C12orf42: variants seen among roughly 807,000 people sequenced by gnomAD.
C12orf42 encodes the protein uncharacterized protein C12orf42.
C12orf42 carries 25 observed loss-of-function variants against 21.6 expected under a neutral mutation model. The ratio of observed to expected loss-of-function variants is 1.16; its 90% CI spans 0.84 to 1.62. The LOEUF is 1.62. Ranked by LOEUF, C12orf42 falls within the 40% of genes most tolerant of loss-of-function variation. The pLI is 0.00. For missense variants in C12orf42, 483 were observed against 459.3 expected, an observed-to-expected ratio of 1.05 and a Z score of -0.47; for synonymous variants, 174 against 175.0, an observed-to-expected ratio of 0.99 and a Z score of 0.05.
intron 4 of C12orf42, among the ~76,000 whole-genome samples, chr12:103,289,202 C>T (rs1235113372): frequency 6.6e-6 from 1 of 152,090 alleles, no homozygotes; most frequent in Non-Finnish European, 1.5e-5. Context: ...AAAATTCTCC[C>T]ACATTTATAC....
At chr12:103,268,684 T>C (rs866475802) in exon 7 of C12orf42, 3 of 152,062 alleles carry the variant, frequency 2.0e-5, no homozygotes, top group East Asian at 3.9e-4. Flanking sequence ...ACTTATGAAA[T>C]TGATTGACTC....
At chr12:103,085,038 G>A in the C12orf42 span, among the ~76,000 whole-genome samples, 2 of 152,170 alleles carry the variant, frequency 1.3e-5, no homozygotes, top group South Asian at 4.2e-4. Context: ...TTGGTGGAGA[G>A]GGAAATGAAT....
chr12:103,452,882 G>A (rs935509126), intron 2 of C12orf42, among the ~76,000 whole-genome samples: 5 of 151,984 alleles, frequency 3.3e-5, no homozygotes, highest in South Asian at 4.2e-4. Flanking sequence ...GTCATGGGGT[G>A]GGGGGAGCGG....
downstream of C12orf42, among the ~76,000 whole-genome samples, chr12:103,235,749 G>C (rs1184213885): frequency 6.6e-6 from 1 of 152,140 alleles, no homozygotes; most frequent in African/African-American, 2.4e-5. Flanking sequence ...TCACATGGTA[G>C]TGTTTAACCA....
the C12orf42 span, among the ~76,000 whole-genome samples, chr12:103,196,555 T>C: frequency 2.6e-5 from 4 of 152,252 alleles, no homozygotes; most frequent in South Asian, 2.1e-4. Context: ...GCCACTCTTA[T>C]ATCGCTTTGT....
At chr12:103,315,124 A>G (rs956891776) in intron 4 of C12orf42, among the ~76,000 whole-genome samples, 13 of 152,136 alleles carry the variant, frequency 8.5e-5, no homozygotes, top group African/African-American at 3.1e-4. Context: ...ACCTCATACT[A>G]AAGATTTGTT....
In C12orf42 at chr12:103,286,144, C is replaced by G. The variant is rs12305112; in HGVS notation, n.338-8934G>C. On this transcript the variant is annotated intron_variant and non_coding_transcript_variant, in intron 4 of 6. Transcript: ENST00000546526. The stretch of plus-strand genomic sequence containing the variant: ...CAGGCGCCTGTAGTCCCAGCTACTC[C>G]GGAGGCTGAGGCAGGAGAATGGCAT... 5.0e-3 allele frequency among the ~76,000 whole-genome samples: 752 copies of G among 151,654 alleles called. 7 individuals are homozygous for G. Among genetic ancestry groups the G allele is most frequent in the African/African-American group, 0.017 (716 of 41,396 alleles).
chr12:103,296,881 A>G (rs980753241), intron 4 of C12orf42, among the ~76,000 whole-genome samples: 7 of 152,126 alleles, frequency 4.6e-5, no homozygotes, highest in Admixed American at 1.3e-4. Flanking sequence ...CCATTTGTCA[A>G]TTTTGGCTTT....
intron 2 of C12orf42, among the ~76,000 whole-genome samples, chr12:103,439,570 A>C (rs2139520998): frequency 7.2e-6 from 1 of 138,504 alleles, no homozygotes; most frequent in East Asian, 2.2e-4. Flanking sequence ...AGAAAAAAAC[A>C]AACAACCCCA....
intron 4 of C12orf42, chr12:103,277,237 G>C (rs1180778036): frequency 4.6e-6 from 2 of 434,648 alleles, no homozygotes; most frequent in Non-Finnish European, 9.2e-6. Flanking sequence ...TATGGAAAGG[G>C]GGATAGAAAG....
intron 2 of C12orf42, among the ~76,000 whole-genome samples, chr12:103,462,257 G>A (rs1427946513): frequency 6.6e-6 from 1 of 151,198 alleles, no homozygotes; most frequent in East Asian, 1.9e-4. Flanking sequence ...ACAGGCATGC[G>A]CCACCACATC....
At chr12:103,154,074 C>A in the C12orf42 span, among the ~76,000 whole-genome samples, 2 of 142,990 alleles carry the variant, frequency 1.4e-5, no homozygotes, top group Non-Finnish European at 3.0e-5. Context: ...AGAAGCCAGA[C>A]CCATGAGTTA....
At chr12:103,111,590 T>C in the C12orf42 span, among the ~76,000 whole-genome samples, 2 of 152,202 alleles carry the variant, frequency 1.3e-5, no homozygotes, top group Non-Finnish European at 2.9e-5. Flanking sequence ...TGAGAAATGG[T>C]AGACAGATTC....
intron 4 of C12orf42, among the ~76,000 whole-genome samples, chr12:103,368,591 C>T (rs1369459164): frequency 2.0e-5 from 3 of 151,996 alleles, no homozygotes; most frequent in Non-Finnish European, 4.4e-5. Context: ...CCTATAGCTG[C>T]CAGGGCATGT....
At chr12:103,425,102 C>T (rs548201613) in intron 2 of C12orf42, among the ~76,000 whole-genome samples, 14 of 152,292 alleles carry the variant, frequency 9.2e-5, no homozygotes, top group African/African-American at 2.9e-4. Flanking sequence ...CACCACAGCT[C>T]GGCAAAGCCA....
chr12:103,101,371 T>G, the C12orf42 span, among the ~76,000 whole-genome samples: 1 of 152,256 alleles, frequency 6.6e-6, no homozygotes, highest in Non-Finnish European at 1.5e-5. Context: ...AAAAGTTGAT[T>G]ATTCTCATAG....
chr12:103,167,928 G>C, the C12orf42 span: 1 of 402,332 alleles, frequency 2.5e-6, no homozygotes, highest in African/African-American at 2.1e-5. Flanking sequence ...GTCTGTGTGT[G>C]TGTGTGTATA....
chr12:103,120,485 A>G, the C12orf42 span, among the ~76,000 whole-genome samples: 1 of 152,136 alleles, frequency 6.6e-6, no homozygotes, highest in African/African-American at 2.4e-5. Flanking sequence ...TAGAGGTAAG[A>G]ATGCTTGAAT....
the C12orf42 span, among the ~76,000 whole-genome samples, chr12:103,159,295 T>C: frequency 5.6e-4 from 86 of 152,338 alleles, no homozygotes; most frequent in African/African-American, 1.9e-3. Flanking sequence ...TCCACTCCAG[T>C]GGTGCATGTC....
Sources: allele counts gnomAD v4.1 joint callset (sites outside exome capture counted in the v4.1 genomes callset), GRCh38; gene constraint gnomAD v4.1.1; transcripts MANE v1.5; gene names NCBI Gene and HGNC (gene_info 2026-07-23, HGNC 2026-07-21).